Variants in KCNT1 observed in about 807,000 individuals in gnomAD.
KCNT1 encodes potassium sodium-activated channel subfamily T member 1, also known as potassium channel subfamily T member 1.
KCNT1 carries 78 observed loss-of-function variants against 147.8 expected under a neutral mutation model. The observed-to-expected ratio is 0.53, with a 90% CI of 0.44 to 0.64. The LOEUF is 0.64. KCNT1 is among the 30% of genes least tolerant of loss of function. KCNT1 has a pLI of 0.00. For missense variants in KCNT1, 1,419 were observed against 1,750.3 expected (o/e 0.81, Z 3.38); for synonymous variants, 867 against 748.8 (o/e 1.16, Z -2.58).
chr9:135,715,020 C>A (rs1013277773), intron 2 of KCNT1, among the ~76,000 whole-genome samples: 1 of 152,322 alleles, frequency 6.6e-6, no homozygotes, highest in South Asian at 2.1e-4. Flanking sequence ...TGCTCCCAAC[C>A]CCCAGCACCC....
chr9:135,791,692 C>A, intron 29 of KCNT1, 105 bp from the exon 30 acceptor site: 1 of 975,866 alleles, frequency 1.0e-6, no homozygotes, highest in South Asian at 1.4e-5. Context: ...TCAGGAAGGC[C>A]GGAAAGACTC....
chr9:135,785,611 A>C (rs1023804307), intron 28 of KCNT1: 2 of 580,888 alleles, frequency 3.4e-6, no homozygotes, highest in Admixed American at 2.9e-5. Context: ...AGGCCCCACC[A>C]AGGCAGGCAG....
At chr9:135,785,695 C>T in intron 28 of KCNT1, 1 of 509,180 alleles carries the variant, frequency 2.0e-6, no homozygotes, top group Non-Finnish European at 3.6e-6. Flanking sequence ...GGTGGGATGC[C>T]TACCTCTTCC....
At chr9:135,745,258 C>G (rs554854312) in intron 2 of KCNT1, among the ~76,000 whole-genome samples, 2 of 152,346 alleles carry the variant, frequency 1.3e-5, no homozygotes, top group South Asian at 4.1e-4. Flanking sequence ...TTCTTCCTAG[C>G]CCTGTGGGCG....
chr9:135,765,028 C>T lies in KCNT1; in HGVS notation c.1036-3C>T, dbSNP rs761954322. ...CTGGTGCTCACCTGTTTCTCACCTG[C>T]AGTTCGAGGAGCTCGTCTACCTCTG... On this transcript the variant is annotated splice_region_variant and splice_polypyrimidine_tract_variant and intron_variant, in intron 11 of 30. Coordinates refer to ENST00000371757, the MANE Select transcript of KCNT1 (RefSeq NM_020822.3). 12 of 1,603,918 alleles carry T rather than the reference C, an allele frequency of 7.5e-6. 1 individual carries two copies. The East Asian group carries it at 2.7e-4, about 36-fold the overall frequency.
chr9:135,774,647 G>A (rs1043675854), intron 19 of KCNT1, among the ~76,000 whole-genome samples: 1 of 151,824 alleles, frequency 6.6e-6, no homozygotes, highest in Non-Finnish European at 1.5e-5. Flanking sequence ...TGTGTGTCTG[G>A]GTGTGTGGTG....
In KCNT1 at chr9:135,765,078, C is replaced by T. The variant is rs1441190864; in HGVS notation, c.1083C>T (p.Gly361=). Residue 361 remains glycine, a synonymous_variant, in exon 12 of 31, where the codon GGC becomes GGT. Coordinates refer to ENST00000371757, the MANE Select transcript of KCNT1 (RefSeq NM_020822.3). ...GGATGGAGCGGCAGAAGTCAGGGGG[C>T]AACTACAGCCGCCACCGTGCGCAGA... ...YLWMERQKSG[G]NYSRHRAQTE... The T allele has an allele frequency of 6.2e-7, 1 of 1,613,232 alleles. No homozygotes were observed.
At chr9:135,768,370 TG>T in intron 13 of KCNT1, 1 of 141,342 alleles carries the variant, frequency 7.1e-6, no homozygotes, top group Non-Finnish European at 1.2e-5. Context: ...AGTATGGGGA[TG>T]CCCACTGAGG....
At chr9:135,729,563 G>A (rs964951066) in intron 2 of KCNT1, among the ~76,000 whole-genome samples, 1 of 152,238 alleles carries the variant, frequency 6.6e-6, no homozygotes, top group Non-Finnish European at 1.5e-5. Flanking sequence ...GAAGTGATAA[G>A]TGGGTGCTGC....
chr9:135,738,320 C>T (rs1248931672), intron 2 of KCNT1, among the ~76,000 whole-genome samples: 1 of 152,222 alleles, frequency 6.6e-6, no homozygotes, highest in Non-Finnish European at 1.5e-5. Flanking sequence ...GGTAATGGAG[C>T]TGCTGCCCAG....
At chr9:135,766,255 G>A (rs929366822) in intron 13 of KCNT1, among the ~76,000 whole-genome samples, 1 of 151,744 alleles carries the variant, frequency 6.6e-6, no homozygotes, top group Non-Finnish European at 1.5e-5. Context: ...ACCATCCAGT[G>A]TAGATCATGT....
intron 2 of KCNT1, among the ~76,000 whole-genome samples, chr9:135,737,578 A>G (rs549063458): frequency 5.3e-4 from 81 of 152,262 alleles, no homozygotes; most frequent in African/African-American, 1.9e-3. Flanking sequence ...GGGACAGAAG[A>G]GCCGGGGACT....
intron 18 of KCNT1, among the ~76,000 whole-genome samples, chr9:135,771,891 A>G (rs1191297221): frequency 1.3e-5 from 2 of 151,982 alleles, no homozygotes; most frequent in Admixed American, 6.5e-5. Flanking sequence ...GCCCAGGCAG[A>G]GGCTGACCCT....
At chr9:135,772,584 C>T (rs1033723979) in intron 18 of KCNT1, 131 bp from the exon 19 acceptor site, 2 of 552,160 alleles carry the variant, frequency 3.6e-6, no homozygotes, top group Non-Finnish European at 5.9e-6. Flanking sequence ...GATTGAAGCT[C>T]CTCAGCTGGA....
At chr9:135,732,750 A>ATCTCTCTC (rs71505362) in intron 2 of KCNT1, among the ~76,000 whole-genome samples, 218 of 147,872 alleles carry the variant, frequency 1.5e-3, no homozygotes, top group Admixed American at 2.8e-3. Context: ...AGTCCAACCT[A>ATCTCTCTC]TCTCTCTCTC....
chr9:135,745,358 G>A (rs1356625544), intron 2 of KCNT1, among the ~76,000 whole-genome samples: 9 of 152,122 alleles, frequency 5.9e-5, no homozygotes, highest in African/African-American at 1.7e-4. Context: ...TGCCATGAGC[G>A]GGTCCCCTGC....
At chr9:135,761,106 G>T (rs937556761) in intron 11 of KCNT1, among the ~76,000 whole-genome samples, 1 of 152,036 alleles carries the variant, frequency 6.6e-6, no homozygotes, top group South Asian at 2.1e-4. Context: ...GGGCTCAAGC[G>T]ATCCTCCCGC....
chr9:135,765,568 C>A, intron 12 of KCNT1, 56 bp from the exon 13 acceptor site: 1 of 1,562,350 alleles, frequency 6.4e-7, no homozygotes, highest in East Asian at 2.3e-5. Flanking sequence ...AAGGCAGGGC[C>A]GCCCGGGCGG....
At chr9:135,744,277 C>T (rs967084017) in intron 2 of KCNT1, among the ~76,000 whole-genome samples, 1 of 152,256 alleles carries the variant, frequency 6.6e-6, no homozygotes, top group African/African-American at 2.4e-5. Flanking sequence ...CGGCCTCTGC[C>T]GACCCCATTT....
Sources: allele counts gnomAD v4.1 joint callset (sites outside exome capture counted in the v4.1 genomes callset), GRCh38; gene constraint gnomAD v4.1.1; transcripts MANE v1.5; gene names NCBI Gene and HGNC (gene_info 2026-07-23, HGNC 2026-07-21).